The following ALDH5A1 variants were observed in gnomAD, a reference collection of about 807,000 sequenced individuals.
ALDH5A1 encodes the protein succinate-semialdehyde dehydrogenase, mitochondrial.
ALDH5A1 carries 33 observed loss-of-function variants against 54.7 expected under a neutral mutation model. That is an observed-to-expected ratio of 0.60 (90% confidence interval 0.46 to 0.81). The LOEUF (loss-of-function observed/expected upper bound fraction) is 0.81. Ranked by LOEUF, ALDH5A1 falls within the 30% of genes least tolerant of loss-of-function variation. The pLI is 0.00. For missense variants in ALDH5A1, 657 were observed against 711.0 expected, an observed-to-expected ratio of 0.92 and a Z score of 0.86; for synonymous variants, 294 against 292.7, an observed-to-expected ratio of 1.00 and a Z score of -0.05.
intron 7 of ALDH5A1, among the ~76,000 whole-genome samples, chr6:24,523,465 T>C (rs1311630808): frequency 6.6e-6 from 1 of 152,228 alleles, no homozygotes; most frequent in Non-Finnish European, 1.5e-5. Context: ...ACCAGTTATA[T>C]GAATCGGGTT....
At position 24,496,737 on chromosome 6, in the gene ALDH5A1, CCT is replaced by C. The variant is rs762505154; in HGVS notation, c.354+1390_354+1391del. Among the ~76,000 whole-genome samples, 6 of 152,254 alleles carry C rather than the reference CCT, an allele frequency of 3.9e-5. No homozygotes were observed. The East Asian group carries it at 1.2e-3, about 29-fold the overall frequency. ...CCCTGTGTGTCTCCACATGGTCTTT[CCT>C]CTGTGTGTATATGTGTCCTAATCTC... On this transcript the variant is annotated intron_variant, in intron 1 of 9. Transcript: ENST00000357578.
chr6:24,532,043 C>G, intron 8 of ALDH5A1, 76 bp from the exon 9 acceptor site: 1 of 1,382,650 alleles, frequency 7.2e-7, no homozygotes, highest in Non-Finnish European at 1.0e-6. Flanking sequence ...ATTTGGGAAA[C>G]AAATCAGAAG....
chr6:24,496,863 C>G (rs193038045), intron 1 of ALDH5A1, among the ~76,000 whole-genome samples: 2 of 152,148 alleles, frequency 1.3e-5, no homozygotes, highest in Non-Finnish European at 2.9e-5. Context: ...TCCAAATGCA[C>G]TCACATTCTG....
chr6:24,525,440 T>C (rs1053964169), intron 7 of ALDH5A1, among the ~76,000 whole-genome samples: 6 of 151,598 alleles, frequency 4.0e-5, no homozygotes, highest in African/African-American at 1.5e-4. Context: ...GGCTCACGCC[T>C]ATAATCCCAG....
chr6:24,495,000 G>A lies in ALDH5A1; in HGVS notation c.4G>A (p.Ala2Thr). The A allele has an allele frequency of 1.5e-6, 2 of 1,319,178 alleles. No homozygotes were observed. The highest frequency in any genetic ancestry group is 1.9e-6 in the Non-Finnish European group (2 of 1,035,950). The allele number at this position is 1,319,178 out of a possible 1,614,324, so 81.7% of individuals were successfully genotyped here. ...TGTCGCCGTCGTTGCCCGGGCCATG[G>A]CGACCTGCATTTGGCTGCGGAGCTG... The part of the protein sequence containing the change: M[A>T]TCIWLRSCGA... The change falls in exon 1 of 10, where the codon GCG (alanine) becomes ACG (threonine). Residue 2 changes from alanine (A) to threonine (T), a missense_variant. Ala to Thr is a moderately conservative substitution (Grantham distance 58, BLOSUM62 0). Coordinates refer to ENST00000357578, the MANE Select transcript of ALDH5A1 (RefSeq NM_001080.3).
intron 4 of ALDH5A1, 72 bp from the exon 5 acceptor site, chr6:24,515,095 C>CT: frequency 2.1e-6 from 3 of 1,424,870 alleles, no homozygotes; most frequent in Non-Finnish European, 1.9e-6. Flanking sequence ...CTATTTATTT[C>CT]TCTTTTCTTT....
chr6:24,503,207 A>G, intron 2 of ALDH5A1, 56 bp from the exon 3 acceptor site: 1 of 1,588,070 alleles, frequency 6.3e-7, no homozygotes, highest in Non-Finnish European at 8.6e-7. Context: ...AGGAACACAG[A>G]GCCATGCTTT....
At chr6:24,507,280 A>T (rs1759376041) in intron 4 of ALDH5A1, among the ~76,000 whole-genome samples, 1 of 151,614 alleles carries the variant, frequency 6.6e-6, no homozygotes, top group Non-Finnish European at 1.5e-5. Context: ...TATCGTGCTT[A>T]TAAATCAGTT....
rs910935452 is a variant in ALDH5A1, at chr6:24,520,188, A to G, written c.871-213A>G. On this transcript the variant is annotated intron_variant, in intron 5 of 9. Coordinates refer to ENST00000357578, the MANE Select transcript of ALDH5A1 (RefSeq NM_001080.3). ...TAAGGTGCTGGGACTACAGGTGCAC[A>G]CTACCACACCCAGCCTCTTCCCAAT... Among the ~76,000 whole-genome samples, 6 of 152,174 alleles carry G rather than the reference A, an allele frequency of 3.9e-5. No individual in the cohort carries two copies. The East Asian group carries it at 9.6e-4, about 24-fold the overall frequency.
At chr6:24,523,162 G>A (rs920373805) in intron 7 of ALDH5A1, among the ~76,000 whole-genome samples, 1 of 151,912 alleles carries the variant, frequency 6.6e-6, no homozygotes, top group Non-Finnish European at 1.5e-5. Flanking sequence ...GATTTTGAAC[G>A]TTCCCAGTAT....
chr6:24,503,387 C>T lies in ALDH5A1; in HGVS notation c.563C>T (p.Ala188Val), dbSNP rs779139147. The T allele has an allele frequency of 1.2e-5, 19 of 1,613,756 alleles. No individual in the cohort carries two copies. Among genetic ancestry groups the T allele is most frequent in the Middle Eastern group, 3.3e-4 (2 of 6,060 alleles). The stretch of plus-strand genomic sequence containing the variant: ...CACACCCCGGCAAAGGACAGGCGGG[C>T]CCTGGTCCTCAAGCAGCCCATAGGC... ...IIHTPAKDRR[A>V]LVLKQPIGVA... The change falls in exon 3 of 10, where the codon GCC becomes GTC. Residue 188 changes from alanine (A) to valine (V), a missense_variant. Ala to Val is a moderately conservative substitution (Grantham distance 64). Transcript: ENST00000357578.
chr6:24,533,460 T>G (rs1235329216), intron 9 of ALDH5A1, 47 bp from the exon 10 acceptor site: 22 of 1,599,372 alleles, frequency 1.4e-5, no homozygotes, highest in Non-Finnish European at 1.8e-5. Context: ...CATGATGTCT[T>G]TAATGACTCT....
At chr6:24,527,397 C>A (rs1427528561) in intron 7 of ALDH5A1, among the ~76,000 whole-genome samples, 2 of 151,976 alleles carry the variant, frequency 1.3e-5, no homozygotes, top group African/African-American at 4.8e-5. Context: ...GATGATGAAA[C>A]CCTGTCTCTT....
Position 24,495,070 on chromosome 6 carries a change from GC to G in ALDH5A1, c.79del (p.Arg27AlafsTer64), listed in dbSNP as rs1247811674. On this transcript the variant is annotated frameshift_variant, in exon 1 of 10. Transcript: ENST00000357578. LOFTEE classifies it high-confidence loss of function. ...LGSTFPGCRL[R>X]PRAGGLVPAS... ...TCGACGTTTCCAGGCTGCCGCCTCCGCCCCCGCGCCGGCGGCCTGGTCCCTG... is the reference window on the plus strand; with the variant it reads ...TCGACGTTTCCAGGCTGCCGCCTCCGCCCCGCGCCGGCGGCCTGGTCCCTG... 4.5e-6 allele frequency: 6 copies of G among 1,328,522 alleles called. No individual in the cohort carries two copies. Among genetic ancestry groups the G allele is most frequent in the South Asian group, 2.2e-5 (1 of 44,840 alleles). The allele number at this position is 1,328,522 out of a possible 1,614,324, so 82.3% of individuals were successfully genotyped here.
At position 24,495,018 on chromosome 6, in the gene ALDH5A1, C is replaced by A. The variant is rs767601869; in HGVS notation, c.22C>A (p.Arg8=). Reference sequence around the variant, plus strand: ...GGCCATGGCGACCTGCATTTGGCTGCGGAGCTGTGGGGCCCGGCGCCTCGG... The same window carrying A: ...GGCCATGGCGACCTGCATTTGGCTGAGGAGCTGTGGGGCCCGGCGCCTCGG... MATCIWL[R]SCGARRLGST... Residue 8 remains arginine (R), a synonymous_variant, in exon 1 of 10, where the codon CGG becomes AGG. Transcript: ENST00000357578. 10 of 1,329,658 alleles carry A rather than the reference C, an allele frequency of 7.5e-6. No homozygotes were observed. The highest frequency in any genetic ancestry group is 2.8e-5 in the East Asian group (1 of 35,584). The allele number at this position is 1,329,658 out of a possible 1,614,324, so 82.4% of individuals were successfully genotyped here. A position where few individuals can be genotyped will look rare whatever the true frequency, so the allele number is the denominator to read the frequency against.
intron 8 of ALDH5A1, among the ~76,000 whole-genome samples, chr6:24,528,625 T>A (rs1759868209): frequency 6.6e-6 from 1 of 151,420 alleles, no homozygotes; most frequent in African/African-American, 2.4e-5. Context: ...CCTTCCAAAG[T>A]GCTGGGATTA....
rs1647474971 is a variant in ALDH5A1, at chr6:24,537,069, GA to G, written c.*3360del. ...TAAAACTTGGGAATGAGTGTGGTAA[GA>G]AATTTATAAAGTTTTGCTTTTAAAA... On this transcript the variant is annotated 3_prime_UTR_variant, in exon 10 of 10. Transcript: ENST00000357578. 1 of 152,602 alleles carries G rather than the reference GA, an allele frequency of 6.6e-6. No individual in the cohort carries two copies. Among genetic ancestry groups the G allele is most frequent in the South Asian group, 2.1e-4 (1 of 4,830 alleles). The allele number at this position is 152,602 out of a possible 1,614,324, so 9.5% of individuals were successfully genotyped here.
At chr6:24,495,496 C>G (rs1764681424) in intron 1 of ALDH5A1, 146 bp downstream of exon 1, 4 of 815,648 alleles carry the variant, frequency 4.9e-6, no homozygotes, top group Admixed American at 2.9e-5. Flanking sequence ...GTCAGAGCAA[C>G]AAGGGAGACG....
At chr6:24,507,966 C>T (rs569939197) in intron 4 of ALDH5A1, among the ~76,000 whole-genome samples, 1 of 152,084 alleles carries the variant, frequency 6.6e-6, no homozygotes, top group East Asian at 1.9e-4. Context: ...TCCCCAAAGT[C>T]CACTGTGTCA....
Sources: allele counts gnomAD v4.1 joint callset (sites outside exome capture counted in the v4.1 genomes callset), GRCh38; gene constraint gnomAD v4.1.1; transcripts MANE v1.5; gene names NCBI Gene and HGNC (gene_info 2026-07-23, HGNC 2026-07-21).